Variants in PTPRD observed in about 807,000 individuals in gnomAD.
The protein encoded by PTPRD is receptor-type tyrosine-protein phosphatase delta.
In PTPRD, 34 loss-of-function variants were observed where a neutral mutation model predicts 214.5. The ratio of observed to expected loss-of-function variants is 0.16; its 90% confidence interval spans 0.12 to 0.21. PTPRD has a LOEUF of 0.21. PTPRD is among the 10% of genes least tolerant of loss of function. The pLI is 1.00. For missense variants in PTPRD, 2,545 were observed against 2,398.7 expected (o/e 1.06, Z -1.27); for synonymous variants, 1,128 against 845.7 (o/e 1.33, Z -5.79).
chr9:9,910,269 T>C (rs1016723794), intron 5 of PTPRD, among the ~76,000 whole-genome samples: 4 of 152,020 alleles, frequency 2.6e-5, no homozygotes, highest in Admixed American at 2.6e-4. Flanking sequence ...AATTTTTACA[T>C]AAAATAGACA....
At chr9:9,209,300 T>G (rs1489955989) in intron 9 of PTPRD, among the ~76,000 whole-genome samples, 5 of 152,170 alleles carry the variant, frequency 3.3e-5, no homozygotes, top group African/African-American at 1.2e-4. Context: ...CACCTGTGTT[T>G]CCTCAGTAAA....
At chr9:10,323,782 A>T (rs1338150354) in intron 3 of PTPRD, among the ~76,000 whole-genome samples, 1 of 152,026 alleles carries the variant, frequency 6.6e-6, no homozygotes, top group Non-Finnish European at 1.5e-5. Flanking sequence ...ATATTGGGAT[A>T]TAATATATTA....
chr9:9,286,272 G>A (rs1345293244), intron 9 of PTPRD, among the ~76,000 whole-genome samples: 1 of 151,730 alleles, frequency 6.6e-6, no homozygotes, highest in Non-Finnish European at 1.5e-5. Flanking sequence ...GGCTCCAAAA[G>A]GGATTTTTAA....
rs1213607115 is a variant in PTPRD at position 10,041,024 on chromosome 9, G to A, written c.-544-7234C>T. 3.3e-5 allele frequency among the ~76,000 whole-genome samples: 5 copies of A among 151,932 alleles called. 1 individual carries two copies. Among genetic ancestry groups the A allele is most frequent in the Non-Finnish European group, 7.4e-5 (5 of 67,932 alleles). ...TTTAAATGTTTTTCATTTGCTTAAA[G>A]TAAATGTATTTCACTGTTTTTGAAA... On this transcript the variant is annotated intron_variant, in intron 3 of 45. Transcript: ENST00000381196.
chr9:8,715,439 G>T (rs1324953828), intron 12 of PTPRD, among the ~76,000 whole-genome samples: 1 of 152,180 alleles, frequency 6.6e-6, no homozygotes, highest in African/African-American at 2.4e-5. Flanking sequence ...CTGGCGGGCA[G>T]TAGGTGTAGA....
chr9:8,364,795 G>T (rs1029149495), intron 39 of PTPRD, among the ~76,000 whole-genome samples: 1 of 152,212 alleles, frequency 6.6e-6, no homozygotes, highest in East Asian at 1.9e-4. Context: ...CATTCAGGGT[G>T]CTCCCTGGCT....
chr9:9,426,510 A>C (rs1318338810), intron 8 of PTPRD, among the ~76,000 whole-genome samples: 1 of 152,200 alleles, frequency 6.6e-6, no homozygotes, highest in Non-Finnish European at 1.5e-5. Flanking sequence ...AAGGAGCAGA[A>C]ACTTCTGCAG....
intron 43 of PTPRD, among the ~76,000 whole-genome samples, chr9:8,337,744 G>T (rs1008461942): frequency 6.6e-6 from 1 of 152,014 alleles, no homozygotes; most frequent in African/African-American, 2.4e-5. Flanking sequence ...GTGTGGAATA[G>T]GAAAGGTGTC....
chr9:9,012,280 A>G (rs1342798437), intron 11 of PTPRD, among the ~76,000 whole-genome samples: 1 of 152,180 alleles, frequency 6.6e-6, no homozygotes, highest in Non-Finnish European at 1.5e-5. Flanking sequence ...GACACACTGC[A>G]TTCTTGCAGA....
chr9:8,529,763 T>A (rs2075191391), intron 14 of PTPRD, among the ~76,000 whole-genome samples: 1 of 152,156 alleles, frequency 6.6e-6, no homozygotes, highest in Admixed American at 6.5e-5. Flanking sequence ...ATTATCCAAA[T>A]TAGAACATGG....
intron 2 of PTPRD, among the ~76,000 whole-genome samples, chr9:10,493,426 G>C (rs566948779): frequency 1.3e-5 from 2 of 151,992 alleles, no homozygotes; most frequent in Non-Finnish European, 2.9e-5. Context: ...ACAGAACAGA[G>C]GCCTCAGAAA....
At chr9:10,345,520 G>T (rs940187087) in intron 2 of PTPRD, among the ~76,000 whole-genome samples, 7 of 151,606 alleles carry the variant, frequency 4.6e-5, no homozygotes, top group African/African-American at 1.7e-4. Context: ...GCGGTGTTTG[G>T]TTTTCTGTTC....
intron 3 of PTPRD, among the ~76,000 whole-genome samples, chr9:10,210,367 G>A (rs1246518733): frequency 6.6e-6 from 1 of 152,034 alleles, no homozygotes; most frequent in Non-Finnish European, 1.5e-5. Flanking sequence ...CACAATTGAG[G>A]CATTTTCATA....
At chr9:8,357,670 G>A (rs1191452971) in intron 39 of PTPRD, among the ~76,000 whole-genome samples, 2 of 152,084 alleles carry the variant, frequency 1.3e-5, no homozygotes, top group South Asian at 2.1e-4. Flanking sequence ...ACGCTATATG[G>A]TGCATCCCTT....
At chr9:8,584,246 A>G (rs775228230) in intron 14 of PTPRD, among the ~76,000 whole-genome samples, 6 of 152,168 alleles carry the variant, frequency 3.9e-5, no homozygotes, top group Non-Finnish European at 7.3e-5. Context: ...TCCATACCCA[A>G]TCATAAAAAG....
At chr9:9,269,728 C>T (rs1941986055) in intron 9 of PTPRD, among the ~76,000 whole-genome samples, 1 of 151,308 alleles carries the variant, frequency 6.6e-6, no homozygotes. Context: ...ACCTGGAACA[C>T]ATTTTACTGA....
At chr9:8,999,836 C>T (rs145669389) in intron 11 of PTPRD, among the ~76,000 whole-genome samples, 3 of 151,984 alleles carry the variant, frequency 2.0e-5, no homozygotes, top group African/African-American at 7.2e-5. Context: ...TGACCGCAGT[C>T]TGTAGATTGA....
chr9:10,237,265 A>G (rs1457415448), intron 3 of PTPRD, among the ~76,000 whole-genome samples: 1 of 151,912 alleles, frequency 6.6e-6, no homozygotes, highest in Non-Finnish European at 1.5e-5. Context: ...ATAGTCTCAA[A>G]AAAGGCCACA....
At chr9:10,510,874 C>A (rs1185761324) in intron 2 of PTPRD, among the ~76,000 whole-genome samples, 2 of 152,238 alleles carry the variant, frequency 1.3e-5, no homozygotes, top group African/African-American at 4.8e-5. Context: ...CCTTCCCAGC[C>A]TCTGGTAATC....
Sources: allele counts gnomAD v4.1 joint callset (sites outside exome capture counted in the v4.1 genomes callset), GRCh38; gene constraint gnomAD v4.1.1; transcripts MANE v1.5; gene names NCBI Gene and HGNC (gene_info 2026-07-23, HGNC 2026-07-21).